STAC3: variants seen among roughly 807,000 people sequenced by gnomAD.
STAC3 encodes the protein SH3 and cysteine-rich domain-containing protein 3.
STAC3 carries 30 observed loss-of-function variants against 48.5 expected under a neutral mutation model. That is an observed-to-expected ratio of 0.62 (90% confidence interval 0.46 to 0.84). The LOEUF (loss-of-function observed/expected upper bound fraction) is 0.84, where lower values mean the gene tolerates loss of function less well. STAC3 is among the 40% of genes least tolerant of loss of function. The pLI is 0.00. For missense variants in STAC3, 419 were observed against 462.6 expected, an observed-to-expected ratio of 0.91 and a Z score of 0.86; for synonymous variants, 144 against 158.6, an observed-to-expected ratio of 0.91 and a Z score of 0.69.
chr12:57,243,761 G>A lies in STAC3; in HGVS notation c.*51C>T, dbSNP rs2037661474. 1 of 1,558,574 alleles carries A rather than the reference G, an allele frequency of 6.4e-7. No homozygotes were observed. Among genetic ancestry groups the A allele is most frequent in the Non-Finnish European group, 8.8e-7 (1 of 1,133,834 alleles). Reference sequence around the variant, plus strand: ...CGCCCCCCTCCCCAAACTCCACTGGGCCCGCCCAGAATGGGGTGTGGGTGT... The same window carrying A: ...CGCCCCCCTCCCCAAACTCCACTGGACCCGCCCAGAATGGGGTGTGGGTGT... On this transcript the variant is annotated 3_prime_UTR_variant, in exon 12 of 12. Coordinates refer to ENST00000332782, the MANE Select transcript of STAC3 (RefSeq NM_145064.3).
chr12:57,248,529 T>C (rs1397937354), intron 4 of STAC3, among the ~76,000 whole-genome samples, 177 bp downstream of exon 4: 2 of 152,012 alleles, frequency 1.3e-5, no homozygotes, highest in Admixed American at 6.6e-5. Context: ...CAGGCACCTG[T>C]CACCACGCCC....
chr12:57,243,809 C>A lies in STAC3; in HGVS notation c.*3G>T. 2 of 1,613,754 alleles carry A rather than the reference C, an allele frequency of 1.2e-6. No homozygotes were observed. The highest frequency in any genetic ancestry group is 1.7e-6 in the Non-Finnish European group (2 of 1,179,822). On this transcript the variant is annotated 3_prime_UTR_variant, in exon 12 of 12. Coordinates refer to ENST00000332782, the MANE Select transcript of STAC3 (RefSeq NM_145064.3). ...TGTCTCCCGCTTGCAGGCGCCCGCA[C>A]GCCTAAATTTCCTCTAGAAAGTCGG... is the stretch of plus-strand genomic sequence containing the variant.
Position 57,244,106 on chromosome 12 carries a change from G to A in STAC3, c.978C>T (p.Ile326=). ...AGCCTACCTGGTCCTTCTTGAGAGT[G>A]ATCTGCCCTATCTCGCGGTTCCCCA... ...SFVGNREIGQ[I]TLKKDQIVVQ... Residue 326 remains isoleucine, a synonymous_variant, in exon 11 of 12, where the codon ATC becomes ATT. Transcript: ENST00000332782. The A allele has an allele frequency of 6.2e-7, 1 of 1,614,130 alleles. No individual in the cohort carries two copies. The highest frequency in any genetic ancestry group is 8.5e-7 in the Non-Finnish European group (1 of 1,180,030).
Position 57,243,772 on chromosome 12 carries a change from A to T in STAC3, c.*40T>A. ...CCAAACTCCACTGGGCCCGCCCAGA[A>T]TGGGGTGTGGGTGTCTCCCGCTTGC... On this transcript the variant is annotated 3_prime_UTR_variant, in exon 12 of 12. Coordinates refer to ENST00000332782, the MANE Select transcript of STAC3 (RefSeq NM_145064.3). The T allele has an allele frequency of 6.3e-7, 1 of 1,580,822 alleles. No homozygotes were observed. The highest frequency in any genetic ancestry group is 8.7e-7 in the Non-Finnish European group (1 of 1,151,480).
chr12:57,247,631 T>G (rs936571572), intron 5 of STAC3, among the ~76,000 whole-genome samples: 3 of 151,736 alleles, frequency 2.0e-5, no homozygotes, highest in Non-Finnish European at 4.4e-5. Context: ...GAGACGGGGT[T>G]TCACCGTGGT....
chr12:57,245,934 A>C (rs1394682048), intron 6 of STAC3, among the ~76,000 whole-genome samples: 2 of 151,780 alleles, frequency 1.3e-5, no homozygotes, highest in Admixed American at 6.6e-5. Context: ...ACATGGAGAA[A>C]TCTCCTCTCT....
At chr12:57,245,094 G>T (rs772374818) in intron 7 of STAC3, 51 bp downstream of exon 7, 50 of 1,609,328 alleles carry the variant, frequency 3.1e-5, no homozygotes, top group Non-Finnish European at 3.7e-5. Context: ...CTGTTCCACA[G>T]CTGAGCCTCT....
intron 6 of STAC3, 21 bp downstream of exon 6, chr12:57,246,783 G>A (rs369384602): frequency 9.5e-5 from 151 of 1,595,792 alleles, no homozygotes; most frequent in South Asian, 1.5e-4. Flanking sequence ...GAGGGACCTC[G>A]TGGGGAGGTA....
intron 5 of STAC3, among the ~76,000 whole-genome samples, chr12:57,247,497 A>C (rs1183497862): frequency 7.1e-6 from 1 of 141,080 alleles, no homozygotes; most frequent in Non-Finnish European, 1.5e-5. Flanking sequence ...ACAGTGGCAC[A>C]ATCTCGGCTC....
Position 57,243,830 on chromosome 12 carries a change from G to T in STAC3, c.1077C>A (p.Asp359Glu). Residue 359 changes from aspartate (D) to glutamate (E), a missense_variant, in exon 12 of 12, where the codon GAC (aspartate) becomes GAA (glutamate). By Grantham distance (45) the Asp-to-Glu change is conservative (BLOSUM62 2). Transcript: ENST00000332782. ...TGRKVGLFPT[D>E]FLEEI ...CGCACGCCTAAATTTCCTCTAGAAAGTCGGTGGGAAACAGCCCCACCTTGC... is the reference window on the plus strand; with the variant it reads ...CGCACGCCTAAATTTCCTCTAGAAATTCGGTGGGAAACAGCCCCACCTTGC... 1 of 1,614,086 alleles carries T rather than the reference G, an allele frequency of 6.2e-7. No homozygotes were observed. The highest frequency in any genetic ancestry group is 8.5e-7 in the Non-Finnish European group (1 of 1,180,016).
chr12:57,251,130 T>G lies in STAC3; in HGVS notation c.-139A>C. On this transcript the variant is annotated 5_prime_UTR_variant, in exon 1 of 12. Coordinates refer to ENST00000332782, the MANE Select transcript of STAC3 (RefSeq NM_145064.3). The stretch of plus-strand genomic sequence containing the variant: ...CAGTACCCCCTGTGTTCACACCAGC[T>G]ACCCAGTCGCTATTTGTAGACCTCC... The G allele has an allele frequency of 2.2e-6, 1 of 454,378 alleles. No homozygotes were observed. The highest frequency in any genetic ancestry group is 2.4e-5 in the Admixed American group (1 of 42,550). The allele number at this position is 454,378 out of a possible 1,614,324, so 28.1% of individuals were successfully genotyped here. A position where few individuals can be genotyped will look rare whatever the true frequency, so the allele number is the denominator to read the frequency against.
intron 6 of STAC3, 24 bp from the exon 7 acceptor site, chr12:57,245,235 G>C (rs2037708394): frequency 6.2e-7 from 1 of 1,611,898 alleles, no homozygotes; most frequent in South Asian, 1.1e-5. Context: ...CAGAGTTAGG[G>C]AGACGCTGTC....
At chr12:57,247,784 T>C (rs1460205786) in intron 5 of STAC3, among the ~76,000 whole-genome samples, 2 of 152,224 alleles carry the variant, frequency 1.3e-5, no homozygotes, top group East Asian at 3.9e-4. Flanking sequence ...GCCCCGAGTC[T>C]GATATGACTC....
chr12:57,249,114 A>T lies in STAC3; in HGVS notation c.261T>A (p.Asp87Glu). ...PPPEPPKLVN[D>E]KPHKFKDHFF... ...AGTGATCTTTGAATTTGTGGGGCTT[A>T]TCGTTGACCAGCTTAGGAGGTTCTG... The change falls in exon 3 of 12, where the codon GAT becomes GAA. Residue 87 changes from aspartate (D) to glutamate (E), a missense_variant. Physicochemically the swap from Asp to Glu is conservative, Grantham distance 45. Transcript: ENST00000332782. 1 of 1,613,378 alleles carries T rather than the reference A, an allele frequency of 6.2e-7. No individual in the cohort carries two copies. Among genetic ancestry groups the T allele is most frequent in the Non-Finnish European group, 8.5e-7 (1 of 1,179,712 alleles).
At position 57,248,112 on chromosome 12, in the gene STAC3, T is replaced by C. The variant is rs1414034335; in HGVS notation, c.505+14A>G. On this transcript the variant is annotated intron_variant, in intron 5 of 11. Transcript: ENST00000332782. Reference sequence around the variant, plus strand: ...GGCTTGCCCATTCCCTCATGTTCCATAAAGGGCACTTACAGAGATCTTTGA... The same window carrying C: ...GGCTTGCCCATTCCCTCATGTTCCACAAAGGGCACTTACAGAGATCTTTGA... 4.3e-6 allele frequency: 7 copies of C among 1,609,854 alleles called. No homozygotes were observed. The highest frequency in any genetic ancestry group is 6.0e-6 in the Non-Finnish European group (7 of 1,176,180).
intron 2 of STAC3, 80 bp from the exon 3 acceptor site, chr12:57,249,388 A>G: frequency 2.6e-6 from 4 of 1,516,866 alleles, no homozygotes; most frequent in Non-Finnish European, 3.5e-6. Flanking sequence ...AGAGCAAACT[A>G]GACAGTTTTC....
chr12:57,246,792 T>G lies in STAC3; in HGVS notation c.603+12A>C, dbSNP rs1399666529. On this transcript the variant is annotated intron_variant, in intron 6 of 11. Transcript: ENST00000332782. ...CTCTGGGAGGGACCTCGTGGGGAGG[T>G]ACAGTGCTCACATTTTTCTTATCTG... 1 of 1,611,472 alleles carries G rather than the reference T, an allele frequency of 6.2e-7. No homozygotes were observed. Among genetic ancestry groups the G allele is most frequent in the South Asian group, 1.1e-5 (1 of 90,998 alleles).
chr12:57,246,002 G>A (rs1033568902), intron 6 of STAC3, among the ~76,000 whole-genome samples: 8 of 151,600 alleles, frequency 5.3e-5, no homozygotes, highest in South Asian at 4.2e-4. Context: ...CCAGCTACTC[G>A]GGAGGCTGAG....
intron 5 of STAC3, among the ~76,000 whole-genome samples, chr12:57,247,234 A>G (rs1473409431): frequency 6.6e-6 from 1 of 152,036 alleles, no homozygotes; most frequent in African/African-American, 2.4e-5. Flanking sequence ...CCTTCTAAGG[A>G]GAATGGGCCC....
Sources: gnomAD v4.1 joint callset for allele counts (sites outside exome capture counted in the v4.1 genomes callset) on GRCh38, gnomAD v4.1.1 for gene constraint, MANE v1.5 for transcripts, NCBI Gene and HGNC (gene_info 2026-07-23, HGNC 2026-07-21) for gene names.